The following DCC variants were observed in gnomAD, a reference collection of about 807,000 sequenced individuals.
DCC encodes netrin receptor DCC.
A neutral mutation model predicts 172.5 loss-of-function variants in DCC; 58 were observed. The ratio of observed to expected loss-of-function variants is 0.34; its 90% CI spans 0.27 to 0.42. The LOEUF (loss-of-function observed/expected upper bound fraction) is 0.42. DCC is among the 10% of genes least tolerant of loss of function. The probability of loss-of-function intolerance (pLI) is 1.00; values close to 1 mark genes in which losing one functional copy is unlikely to be tolerated. For missense variants in DCC, 1,740 were observed against 1,791.0 expected (o/e 0.97, Z 0.51); for synonymous variants, 709 against 644.5 (o/e 1.10, Z -1.52).
rs147390875 is a variant in DCC at position 53,185,236 on chromosome 18, A to G, written c.1573+6120A>G. On this transcript the variant is annotated intron_variant, in intron 9 of 28. Transcript: ENST00000442544. ...GGAATTCATTTAGATTTAATGGTCA[A>G]TTAGGCTAGGTATGATGTCTTTGAT... 2.1e-3 allele frequency among the ~76,000 whole-genome samples: 323 copies of G among 152,306 alleles called. 6 individuals are homozygous for G. The highest frequency in any genetic ancestry group is 0.019 in the Admixed American group (287 of 15,292).
At chr18:52,511,398 G>A (rs1440257382) in intron 1 of DCC, among the ~76,000 whole-genome samples, 5 of 151,976 alleles carry the variant, frequency 3.3e-5, no homozygotes, top group African/African-American at 1.2e-4. Context: ...AGAATAAATA[G>A]TCTCTCATTT....
chr18:52,904,983 C>G (rs1251337969), intron 2 of DCC, among the ~76,000 whole-genome samples: 2 of 152,090 alleles, frequency 1.3e-5, no homozygotes, highest in Admixed American at 6.6e-5. Flanking sequence ...ATTTCATGGT[C>G]AAAACTTAGG....
At chr18:52,959,215 A>C (rs994736996) in intron 5 of DCC, among the ~76,000 whole-genome samples, 1 of 152,140 alleles carries the variant, frequency 6.6e-6, no homozygotes, top group African/African-American at 2.4e-5. Flanking sequence ...GTAAAAACAG[A>C]GTTTTAAATG....
chr18:53,518,207 A>G (rs1331534029), intron 27 of DCC, among the ~76,000 whole-genome samples: 1 of 152,176 alleles, frequency 6.6e-6, no homozygotes, highest in Non-Finnish European at 1.5e-5. Flanking sequence ...GACAAAGCAG[A>G]GATAAGAACC....
At chr18:53,140,048 G>A (rs1184811870) in intron 7 of DCC, among the ~76,000 whole-genome samples, 2 of 152,196 alleles carry the variant, frequency 1.3e-5, no homozygotes, top group East Asian at 1.9e-4. Flanking sequence ...ATGATCAGAT[G>A]AATAGATAGA....
Position 53,403,058 on chromosome 18 carries a change from G to A in DCC, c.2935+165G>A, listed in dbSNP as rs538828113. Among the ~76,000 whole-genome samples, 7 of 143,512 alleles carry A rather than the reference G, an allele frequency of 4.9e-5. No individual in the cohort carries two copies. In the East Asian group the frequency reaches 1.4e-3, roughly 29 times the overall value. The allele number at this position is 143,512 out of a possible 152,430, so 94.1% of individuals were successfully genotyped here. The stretch of plus-strand genomic sequence containing the variant: ...TTTCTTCTTTCCCCTTTTGACCATG[G>A]AATTCTTCTAATGGTGCACACACAC... On this transcript the variant is annotated intron_variant, in intron 19 of 28. Coordinates refer to ENST00000442544, the MANE Select transcript of DCC (RefSeq NM_005215.4).
intron 1 of DCC, among the ~76,000 whole-genome samples, chr18:52,356,408 A>G (rs1292321843): frequency 6.6e-6 from 1 of 152,134 alleles, no homozygotes; most frequent in Non-Finnish European, 1.5e-5. Flanking sequence ...TTTATTACTA[A>G]TGCGTAAAGG....
chr18:52,556,752 C>A (rs1017445597), intron 1 of DCC, among the ~76,000 whole-genome samples: 2 of 152,016 alleles, frequency 1.3e-5, no homozygotes, highest in Non-Finnish European at 2.9e-5. Context: ...AATAATTGCA[C>A]ATACTCCCAT....
intron 7 of DCC, among the ~76,000 whole-genome samples, chr18:53,145,523 T>G (rs1379475336): frequency 6.9e-6 from 1 of 145,138 alleles, no homozygotes; most frequent in East Asian, 2.0e-4. Context: ...TATGAAGCCC[T>G]TACCAGACAT....
intron 12 of DCC, among the ~76,000 whole-genome samples, chr18:53,271,648 C>T (rs1176526016): frequency 6.6e-6 from 1 of 152,126 alleles, no homozygotes; most frequent in African/African-American, 2.4e-5. Flanking sequence ...AGCAAGCCAG[C>T]AAGACAGGGA....
At chr18:52,726,351 G>A (rs748801565) in intron 1 of DCC, among the ~76,000 whole-genome samples, 7 of 152,104 alleles carry the variant, frequency 4.6e-5, no homozygotes, top group Non-Finnish European at 7.4e-5. Context: ...AGTGATTCTT[G>A]CGTAGTAATT....
chr18:52,440,602 TTTTTA>T (rs1171020067), intron 1 of DCC, among the ~76,000 whole-genome samples: 2 of 152,216 alleles, frequency 1.3e-5, no homozygotes, highest in African/African-American at 4.8e-5. Flanking sequence ...GAACTCATCA[TTTTTA>T]TTTTATTTTA....
chr18:53,058,263 T>G (rs2144062564), intron 5 of DCC, among the ~76,000 whole-genome samples: 1 of 152,284 alleles, frequency 6.6e-6, no homozygotes, highest in Admixed American at 6.5e-5. Flanking sequence ...GATTAAATGA[T>G]TTCTACAGAA....
At chr18:53,009,582 A>G (rs1299184870) in intron 5 of DCC, among the ~76,000 whole-genome samples, 2 of 151,870 alleles carry the variant, frequency 1.3e-5, no homozygotes, top group Non-Finnish European at 2.9e-5. Flanking sequence ...TTTAGGCCAT[A>G]TGTTGGAGTT....
chr18:52,858,731 A>G (rs2039090313), intron 2 of DCC, among the ~76,000 whole-genome samples: 1 of 152,210 alleles, frequency 6.6e-6, no homozygotes, highest in South Asian at 2.1e-4. Flanking sequence ...CAGTGAAGGT[A>G]TAAGATGTGA....
chr18:53,393,221 C>G (rs922184899), intron 17 of DCC, among the ~76,000 whole-genome samples: 8 of 152,182 alleles, frequency 5.3e-5, no homozygotes, highest in Admixed American at 4.6e-4. Flanking sequence ...GCTTGCTTCT[C>G]TCTCCCCATA....
chr18:53,020,986 A>T (rs531582122), intron 5 of DCC, among the ~76,000 whole-genome samples: 24 of 152,140 alleles, frequency 1.6e-4, no homozygotes, highest in South Asian at 4.1e-4. Flanking sequence ...AAGACCTTTT[A>T]CTAGACTGAT....
chr18:53,331,652 A>G (rs535218469), intron 14 of DCC, among the ~76,000 whole-genome samples: 2 of 152,234 alleles, frequency 1.3e-5, no homozygotes, highest in African/African-American at 4.8e-5. Flanking sequence ...TTTTCTCTGT[A>G]TTGTGTTGGA....
intron 7 of DCC, among the ~76,000 whole-genome samples, chr18:53,089,145 G>T (rs559196913): frequency 1.7e-4 from 26 of 152,238 alleles, no homozygotes; most frequent in Admixed American, 1.7e-3. Context: ...GAGTGCAGTG[G>T]TGTGATCTCT....
Sources: allele counts gnomAD v4.1 joint callset (sites outside exome capture counted in the v4.1 genomes callset), GRCh38; gene constraint gnomAD v4.1.1; transcripts MANE v1.5; gene names NCBI Gene and HGNC (gene_info 2026-07-23, HGNC 2026-07-21).